Variants in DLG2 observed in about 807,000 individuals in gnomAD.
The protein encoded by DLG2 is discs large MAGUK scaffold protein 2.
Under a neutral mutation model 132.5 loss-of-function variants are expected in DLG2, and 45 were observed. The ratio of observed to expected loss-of-function variants is 0.34; its 90% CI spans 0.27 to 0.44. The LOEUF is 0.44. Among genes scored for constraint, DLG2 ranks in the 20% least tolerant of loss-of-function variants. The pLI is 1.00. For synonymous variants in DLG2, 424 were observed against 419.6 expected (o/e 1.01, Z -0.13); for missense variants, 1,045 against 1,196.9 (o/e 0.87, Z 1.87).
At chr11:83,880,202 G>T (rs145505022) in intron 15 of DLG2, among the ~76,000 whole-genome samples, 10 of 152,180 alleles carry the variant, frequency 6.6e-5, no homozygotes, top group African/African-American at 1.9e-4. Context: ...GTTATTAAGT[G>T]GGGGGAATAA....
intron 3 of DLG2, among the ~76,000 whole-genome samples, chr11:85,557,144 G>A (rs2076984653): frequency 6.6e-6 from 1 of 151,544 alleles, no homozygotes; most frequent in Non-Finnish European, 1.5e-5. Context: ...TCCATGATGA[G>A]AACAGTAATA....
intron 6 of DLG2, among the ~76,000 whole-genome samples, chr11:84,625,346 G>A (rs1353092531): frequency 6.6e-6 from 1 of 152,124 alleles, no homozygotes; most frequent in Admixed American, 6.5e-5. Flanking sequence ...TAATTGGGCT[G>A]GATTACCAAG....
chr11:84,201,808 C>CTTTT (rs58905339), intron 8 of DLG2, among the ~76,000 whole-genome samples: 3 of 64,584 alleles, frequency 4.6e-5, no homozygotes, highest in African/African-American at 6.7e-5. Context: ...AAACTATTTT[C>CTTTT]TTTTTTTTTT....
At chr11:85,256,725 G>C (rs1306688528) in intron 4 of DLG2, among the ~76,000 whole-genome samples, 2 of 152,096 alleles carry the variant, frequency 1.3e-5, no homozygotes, top group Admixed American at 6.5e-5. Flanking sequence ...TGTCGTGTGA[G>C]GGGGGGTCAG....
intron 3 of DLG2, among the ~76,000 whole-genome samples, chr11:85,378,797 CAA>C (rs780444562): frequency 6.6e-6 from 1 of 152,100 alleles, no homozygotes; most frequent in Non-Finnish European, 1.5e-5. Context: ...AACCAAATTA[CAA>C]GTTTATTCTC....
intron 6 of DLG2, among the ~76,000 whole-genome samples, chr11:84,738,860 A>G (rs1218345248): frequency 6.6e-6 from 1 of 152,220 alleles, no homozygotes; most frequent in Non-Finnish European, 1.5e-5. Flanking sequence ...ACCCACAGAT[A>G]CATTAACAAG....
chr11:85,413,952 G>T (rs1052624331), intron 3 of DLG2, among the ~76,000 whole-genome samples: 8 of 151,980 alleles, frequency 5.3e-5, no homozygotes, highest in Admixed American at 5.3e-4. Context: ...GTGGTATTTT[G>T]ATAGGAATTG....
chr11:84,869,917 T>G (rs1485465129), intron 6 of DLG2, among the ~76,000 whole-genome samples: 2 of 152,226 alleles, frequency 1.3e-5, no homozygotes, highest in African/African-American at 4.8e-5. Flanking sequence ...GAATATTCCC[T>G]TCCGTTTGGC....
At chr11:84,842,086 A>G (rs1490486264) in intron 6 of DLG2, among the ~76,000 whole-genome samples, 1 of 152,040 alleles carries the variant, frequency 6.6e-6, no homozygotes, top group African/African-American at 2.4e-5. Context: ...CCAATATCAT[A>G]TAACACATCA....
In DLG2 at chr11:85,006,866, T is replaced by C. The variant is rs555137957; in HGVS notation, c.357+104795A>G. On this transcript the variant is annotated intron_variant, in intron 6 of 27. Transcript: ENST00000376104. ...TTTCCTGCTTTCCTCTGTGGGCATG[T>C]AGTGCTACAAATTTCCCTCTAAATA... Among the ~76,000 whole-genome samples the C allele has an allele frequency of 4.0e-4, 61 of 152,260 alleles. 2 individuals carry two copies. Among genetic ancestry groups the C allele is most frequent in the African/African-American group, 1.3e-3 (54 of 41,568 alleles).
intron 3 of DLG2, among the ~76,000 whole-genome samples, chr11:85,362,463 G>C (rs547542729): frequency 1.3e-5 from 2 of 151,948 alleles, no homozygotes; most frequent in Non-Finnish European, 2.9e-5. Flanking sequence ...TGTTGATTTT[G>C]TATCCTGCAG....
At chr11:85,146,777 G>A (rs2076889948) in intron 5 of DLG2, among the ~76,000 whole-genome samples, 1 of 152,136 alleles carries the variant, frequency 6.6e-6, no homozygotes, top group South Asian at 2.1e-4. Context: ...CCCAAGCCCA[G>A]AGCAGTGCCA....
intron 6 of DLG2, among the ~76,000 whole-genome samples, chr11:84,554,548 A>G (rs1293517351): frequency 6.6e-6 from 1 of 152,118 alleles, no homozygotes; most frequent in Non-Finnish European, 1.5e-5. Context: ...GGAGTTCAAG[A>G]CCAGCCTGAC....
intron 18 of DLG2, among the ~76,000 whole-genome samples, chr11:83,633,955 AAAAAC>A (rs1430812016): frequency 0.047 from 7,166 of 151,658 alleles, 550 homozygotes; most frequent in African/African-American, 0.17. Flanking sequence ...GCAAAAAGCA[AAAAAC>A]AAAAAACAAA....
chr11:83,847,713 T>A (rs1198738699), intron 16 of DLG2, among the ~76,000 whole-genome samples: 1 of 152,146 alleles, frequency 6.6e-6, no homozygotes, highest in Non-Finnish European at 1.5e-5. Context: ...TTTCACATGC[T>A]TGCTTAATGA....
At chr11:83,818,033 G>A (rs2049573838) in intron 17 of DLG2, among the ~76,000 whole-genome samples, 1 of 152,146 alleles carries the variant, frequency 6.6e-6, no homozygotes. Context: ...ATTGGAGCTG[G>A]AAGGGCCTTT....
intron 11 of DLG2, among the ~76,000 whole-genome samples, chr11:84,007,585 T>A (rs989410135): frequency 1.3e-5 from 2 of 151,736 alleles, no homozygotes; most frequent in Admixed American, 1.3e-4. Context: ...TAATTGAACA[T>A]CTTTAATGAC....
In DLG2 at chr11:84,062,034, C is replaced by T. The variant is rs535507876; in HGVS notation, c.750-2550G>A. Among the ~76,000 whole-genome samples the T allele has an allele frequency of 2.6e-4, 39 of 152,240 alleles. No homozygotes were observed. In the East Asian group the frequency reaches 7.3e-3, roughly 29 times the overall value. On this transcript the variant is annotated intron_variant, in intron 10 of 27. Coordinates refer to ENST00000376104, the MANE Select transcript of DLG2 (RefSeq NM_001142699.3). Reference sequence around the variant, plus strand: ...TCAGAATACTAATTATATCTTAAAACACTGCTTTTCATAGAAGGGAGTGGC... The same window carrying T: ...TCAGAATACTAATTATATCTTAAAATACTGCTTTTCATAGAAGGGAGTGGC...
At chr11:83,753,671 A>G (rs925782087) in intron 18 of DLG2, among the ~76,000 whole-genome samples, 23 of 143,816 alleles carry the variant, frequency 1.6e-4, no homozygotes, top group Admixed American at 2.8e-4. Flanking sequence ...TATATTTTAA[A>G]TTGATATATA....
Sources: gnomAD v4.1 joint callset for allele counts (sites outside exome capture counted in the v4.1 genomes callset) on GRCh38, gnomAD v4.1.1 for gene constraint, MANE v1.5 for transcripts, NCBI Gene and HGNC (gene_info 2026-07-23, HGNC 2026-07-21) for gene names.